Variants in DYRK4 observed in about 807,000 individuals in gnomAD.
DYRK4 encodes dual specificity tyrosine-phosphorylation-regulated kinase 4.
Under a neutral mutation model 68.3 loss-of-function variants are expected in DYRK4, and 64 were observed. The ratio of observed to expected loss-of-function variants is 0.94; its 90% CI spans 0.77 to 1.15. The LOEUF is 1.15. Ranked by LOEUF, DYRK4 falls within the 50% of genes most tolerant of loss-of-function variation. The pLI, the probability that DYRK4 is intolerant of heterozygous loss-of-function variation, is 0.00. For synonymous variants in DYRK4, 274 were observed against 289.9 expected (o/e 0.95, Z 0.56); for missense variants, 740 against 764.7 (o/e 0.97, Z 0.38).
intron 8 of DYRK4, among the ~76,000 whole-genome samples, chr12:4,598,615 CCTTA>C: frequency 6.6e-6 from 1 of 152,286 alleles, no homozygotes; most frequent in African/African-American, 2.4e-5. Flanking sequence ...CTCTCTTGTT[CCTTA>C]CTTGTCAGGA....
chr12:4,599,816 G>A, intron 10 of DYRK4, 28 bp downstream of exon 10: 20 of 1,598,520 alleles, frequency 1.3e-5, no homozygotes, highest in Non-Finnish European at 1.7e-5. Context: ...CCCATCATCT[G>A]AGTTTTCCTA....
chr12:4,607,092 G>C (rs1282494051), intron 11 of DYRK4, among the ~76,000 whole-genome samples: 1 of 152,208 alleles, frequency 6.6e-6, no homozygotes, highest in African/African-American at 2.4e-5. Flanking sequence ...AGTTGGTGCT[G>C]ATGTTTGTGT....
intron 2 of DYRK4, among the ~76,000 whole-genome samples, chr12:4,579,509 C>G (rs958251485): frequency 2.0e-5 from 3 of 152,022 alleles, no homozygotes. Flanking sequence ...TTACAGGGCT[C>G]TTTATTCATA....
chr12:4,596,713 AC>A lies in DYRK4; in HGVS notation c.891del (p.Phe298LeufsTer11). The A allele has an allele frequency of 6.2e-7, 1 of 1,613,976 alleles. No homozygotes were observed. Among genetic ancestry groups the A allele is most frequent in the Non-Finnish European group, 8.5e-7 (1 of 1,179,976 alleles). On this transcript the variant is annotated frameshift_variant, in exon 8 of 15. Coordinates refer to ENST00000543431, the MANE Select transcript of DYRK4 (RefSeq NM_001394779.1). LOFTEE classifies it high-confidence loss of function. ...CTACTTTCGCAATCACTTCTGCATCACCTTTGAGCTCCTGGGGTCAGCTGCC... is the reference window on the plus strand; with the variant it reads ...CTACTTTCGCAATCACTTCTGCATCACTTTGAGCTCCTGGGGTCAGCTGCC... ...FFYFRNHFCI[T>X]FELLGINLYE...
At chr12:4,588,197 T>C (rs1944916675) in intron 2 of DYRK4, among the ~76,000 whole-genome samples, 1 of 152,048 alleles carries the variant, frequency 6.6e-6, no homozygotes, top group Non-Finnish European at 1.5e-5. Context: ...AGCACTGGGA[T>C]TACAGGTGTG....
chr12:4,598,985 G>GT (rs760952706), intron 8 of DYRK4, 43 bp from the exon 9 acceptor site: 16 of 1,609,166 alleles, frequency 9.9e-6, no homozygotes, highest in Admixed American at 3.4e-5. Context: ...AGCCTTATAT[G>GT]TTTTTTTACA....
chr12:4,604,523 C>A (rs1400864636), intron 10 of DYRK4, among the ~76,000 whole-genome samples: 2 of 152,196 alleles, frequency 1.3e-5, no homozygotes, highest in African/African-American at 4.8e-5. Flanking sequence ...TGATATGCTC[C>A]CTTTCTAACT....
intron 7 of DYRK4, 34 bp downstream of exon 7, chr12:4,596,319 G>A (rs199942484): frequency 1.2e-6 from 2 of 1,613,180 alleles, no homozygotes. Context: ...CCACAGAGGA[G>A]GGACTGCGTG....
Position 4,565,571 on chromosome 12 carries a change from G to A in DYRK4, c.39-2384G>A, listed in dbSNP as rs561160205. Among the ~76,000 whole-genome samples, 14 of 152,086 alleles carry A rather than the reference G, an allele frequency of 9.2e-5. No homozygotes were observed. In the East Asian group the frequency reaches 1.2e-3, roughly 13 times the overall value. On this transcript the variant is annotated intron_variant, in intron 1 of 14. Coordinates refer to ENST00000543431, the MANE Select transcript of DYRK4 (RefSeq NM_001394779.1). The stretch of plus-strand genomic sequence containing the variant: ...TGTTTGCTCCTTCTCTGCCTCCAGC[G>A]CTGTCAGAGCTGAACAGAGGAAAGG...
intron 2 of DYRK4, among the ~76,000 whole-genome samples, chr12:4,574,974 C>T (rs11063243): frequency 0.011 from 1,699 of 152,310 alleles, 39 homozygotes; most frequent in African/African-American, 0.038. Flanking sequence ...CCAGCCTCGG[C>T]ATCCCAAAGT....
intron 4 of DYRK4, 66 bp downstream of exon 4, chr12:4,590,506 T>G: frequency 6.6e-7 from 1 of 1,522,198 alleles, no homozygotes; most frequent in Admixed American, 2.0e-5. Context: ...CAAAGCCAGT[T>G]TTAGAAAGGC....
intron 10 of DYRK4, 65 bp downstream of exon 10, chr12:4,599,853 A>C: frequency 7.2e-7 from 1 of 1,381,484 alleles, no homozygotes; most frequent in Non-Finnish European, 1.0e-6. Context: ...TTCACATACA[A>C]GGTCACCTGC....
chr12:4,599,891 C>T lies in DYRK4; in HGVS notation c.1126+103C>T. ...TCTAGGCTGCGCTCAGCTGTCACCACTACCAGTATGATTTTGAACAAGGTG... is the reference window on the plus strand; with the variant it reads ...TCTAGGCTGCGCTCAGCTGTCACCATTACCAGTATGATTTTGAACAAGGTG... On this transcript the variant is annotated intron_variant, in intron 10 of 14. Transcript: ENST00000543431. The T allele has an allele frequency of 3.3e-6, 3 of 911,742 alleles. No homozygotes were observed. The South Asian group carries it at 4.6e-5, about 14-fold the overall frequency. 56.5% of individuals were successfully genotyped at this position (911,742 alleles called of 1,614,324 possible).
intron 3 of DYRK4, 60 bp from the exon 4 acceptor site, chr12:4,590,270 C>A: frequency 2.0e-6 from 3 of 1,489,854 alleles, no homozygotes; most frequent in Non-Finnish European, 2.7e-6. Flanking sequence ...GAAGAAATGA[C>A]CCCTGGAGAC....
intron 2 of DYRK4, among the ~76,000 whole-genome samples, chr12:4,586,854 G>C (rs1944903015): frequency 6.6e-6 from 1 of 152,172 alleles, no homozygotes; most frequent in Non-Finnish European, 1.5e-5. Flanking sequence ...AACTCTAGCA[G>C]ACAACTTTGG....
At position 4,612,580 on chromosome 12, in the gene DYRK4, C is replaced by G; in HGVS notation, c.1528C>G (p.Leu510Val). ...PSLRMTPDQALKHAWIHQSRN... is the reference protein window; with the variant it reads ...PSLRMTPDQAVKHAWIHQSRN... ...TCTTCGCATGACCCCGGACCAGGCC[C>G]TCAAGCATGCTTGGATTCATCAGTC... is the stretch of plus-strand genomic sequence containing the variant. The change falls in exon 14 of 15, where the codon CTC becomes GTC. Residue 510 changes from leucine (L) to valine (V), a missense_variant. Around this residue, in one of 3 missense-constraint regions of DYRK4, gnomAD observed 614 missense variants for 603.7 expected, o/e 1.02. Coordinates refer to ENST00000543431, the MANE Select transcript of DYRK4 (RefSeq NM_001394779.1). 1 of 1,614,244 alleles carries G rather than the reference C, an allele frequency of 6.2e-7. No individual in the cohort carries two copies.
Position 4,605,033 on chromosome 12 carries a change from T to C in DYRK4, c.1246T>C (p.Tyr416His). Residue 416 changes from tyrosine to histidine, a missense_variant, in exon 11 of 15, where the codon TAC becomes CAC. Physicochemically the swap from Tyr to His is moderately conservative, Grantham distance 83. Coordinates refer to ENST00000543431, the MANE Select transcript of DYRK4 (RefSeq NM_001394779.1). ...CATCACGGCGGAGTTGTACACGGGC[T>C]ACCCCCTGTTCCCCGGGGAGAATGA... The part of the protein sequence containing the change: ...GCITAELYTG[Y>H]PLFPGENEVE... 6.2e-7 allele frequency: 1 copy of C among 1,614,082 alleles called. No individual in the cohort carries two copies. Among genetic ancestry groups the C allele is most frequent in the South Asian group, 1.1e-5 (1 of 91,074 alleles).
At chr12:4,596,566 C>A in intron 7 of DYRK4, 23 bp from the exon 8 acceptor site, 1 of 1,607,692 alleles carries the variant, frequency 6.2e-7, no homozygotes, top group Non-Finnish European at 8.5e-7. Flanking sequence ...TCCCACCCTG[C>A]CGGCCACTCC....
intron 4 of DYRK4, 151 bp downstream of exon 4, chr12:4,590,591 T>A: frequency 7.3e-7 from 1 of 1,366,638 alleles, no homozygotes; most frequent in Non-Finnish European, 9.4e-7. Flanking sequence ...TTACAATGAC[T>A]ATAAGCTTGA....
Sources: gnomAD v4.1 joint callset for allele counts (sites outside exome capture counted in the v4.1 genomes callset) on GRCh38, gnomAD v4.1.1 for gene constraint, gnomAD v4.1.1 regional missense constraint, MANE v1.5 for transcripts, NCBI Gene and HGNC (gene_info 2026-07-23, HGNC 2026-07-21) for gene names.